NDRG4: variants seen among roughly 807,000 people sequenced by gnomAD.
NDRG4 encodes the protein protein NDRG4.
NDRG4 carries 38 observed loss-of-function variants against 55.8 expected under a neutral mutation model. The observed-to-expected ratio is 0.68, with a 90% CI of 0.53 to 0.89. The LOEUF (loss-of-function observed/expected upper bound fraction) is 0.89, where lower values mean the gene tolerates loss of function less well. Among genes scored for constraint, NDRG4 ranks in the 40% least tolerant of loss-of-function variants. NDRG4 has a pLI of 0.00. For synonymous variants in NDRG4, 190 were observed against 182.7 expected, an observed-to-expected ratio of 1.04 and a Z score of -0.32; for missense variants, 455 against 468.6, an observed-to-expected ratio of 0.97 and a Z score of 0.27.
At chr16:58,476,565 A>G (rs1164976086) in intron 1 of NDRG4, among the ~76,000 whole-genome samples, 6 of 152,116 alleles carry the variant, frequency 3.9e-5, no homozygotes, top group Admixed American at 3.9e-4. Context: ...GATGCATCAT[A>G]CAGTCTCTGT....
At chr16:58,495,937 G>C (rs1483499008), upstream of NDRG4, among the ~76,000 whole-genome samples, 1 of 152,208 alleles carries the variant, frequency 6.6e-6, no homozygotes, top group African/African-American at 2.4e-5. Flanking sequence ...AAGTGGTCGG[G>C]AGCTGGCCCA....
At chr16:58,506,716 C>G in intron 7 of NDRG4, 102 bp downstream of exon 7, 1 of 1,356,078 alleles carries the variant, frequency 7.4e-7, no homozygotes, top group South Asian at 1.3e-5. Flanking sequence ...TGACCTGGCT[C>G]ACTCCAGATG....
intron 2 of NDRG4, among the ~76,000 whole-genome samples, chr16:58,491,455 C>CTTT (rs111544881): frequency 5.4e-5 from 8 of 146,822 alleles, no homozygotes; most frequent in African/African-American, 2.0e-4. Context: ...ATCCTTTTCA[C>CTTT]TTTTTTTTTT....
At chr16:58,486,154 A>C (rs770909985) in intron 1 of NDRG4, among the ~76,000 whole-genome samples, 4 of 152,154 alleles carry the variant, frequency 2.6e-5, no homozygotes, top group African/African-American at 4.8e-5. Context: ...AAAAAAAGAA[A>C]GAGCTATCCA....
chr16:58,480,045 G>C (rs2034208824), intron 1 of NDRG4, among the ~76,000 whole-genome samples: 1 of 152,204 alleles, frequency 6.6e-6, no homozygotes, highest in African/African-American at 2.4e-5. Flanking sequence ...TAGGATTTGA[G>C]AGGAAGGAGG....
chr16:58,491,225 C>T (rs1472336790), intron 2 of NDRG4, among the ~76,000 whole-genome samples: 1 of 150,350 alleles, frequency 6.7e-6, no homozygotes, highest in Non-Finnish European at 1.5e-5. Flanking sequence ...GCAGTGAGCC[C>T]AGATCTCACC....
rs762810826 is a variant in NDRG4 at position 58,504,404 on chromosome 16, C to T, written c.294C>T (p.Ser98=). Residue 98 remains serine, a synonymous_variant, in exon 4 of 15, where the codon AGC becomes AGT. Transcript: ENST00000570248. ...AGCAGCTGGCTGCCATGCTCCCCAG[C>T]GTGGTGCAGCATTTCGGGTGAGTCC... ...SMEQLAAMLP[S]VVQHFGFKYV... is the part of the protein sequence containing the mutation. 29 of 1,612,436 alleles carry T rather than the reference C, an allele frequency of 1.8e-5. 1 individual carries two copies. In the South Asian group the frequency reaches 2.6e-4, roughly 15 times the overall value.
upstream of NDRG4, among the ~76,000 whole-genome samples, chr16:58,497,846 G>C (rs1260392033): frequency 6.6e-6 from 1 of 152,196 alleles, no homozygotes; most frequent in Non-Finnish European, 1.5e-5. Context: ...CTGGGCAGGG[G>C]TGGGGTCAGA....
chr16:58,486,610 C>T (rs1480708002), intron 1 of NDRG4, among the ~76,000 whole-genome samples: 1 of 151,826 alleles, frequency 6.6e-6, no homozygotes, highest in African/African-American at 2.4e-5. Context: ...CTGACCTCTG[C>T]CATCCTGAAG....
upstream of NDRG4, among the ~76,000 whole-genome samples, chr16:58,497,953 G>A (rs1373358882): frequency 1.3e-5 from 2 of 152,008 alleles, no homozygotes; most frequent in African/African-American, 2.4e-5. Context: ...GAGACACAGA[G>A]AGGTTAAAAA....
intron 1 of NDRG4, chr16:58,501,774 CA>C: frequency 2.9e-6 from 1 of 340,794 alleles, no homozygotes; most frequent in Non-Finnish European, 5.9e-6. Flanking sequence ...GGGATGGGGA[CA>C]GGGGCGGCCA....
In NDRG4 at chr16:58,512,023, A is replaced by C; in HGVS notation, c.*447A>C. On this transcript the variant is annotated 3_prime_UTR_variant, in exon 15 of 15. Coordinates refer to ENST00000570248, the MANE Select transcript of NDRG4 (RefSeq NM_001242835.2). ...AGACCCCTTCCCCCACCCTCCACCA[A>C]GCACACCTGTTTCTGTCTCATAGCA... is the stretch of plus-strand genomic sequence containing the variant. The C allele has an allele frequency of 2.2e-6, 1 of 459,208 alleles. No individual in the cohort carries two copies. Among genetic ancestry groups the C allele is most frequent in the Non-Finnish European group, 4.4e-6 (1 of 228,806 alleles). The allele number at this position is 459,208 out of a possible 1,614,324, so 28.4% of individuals were successfully genotyped here.
At chr16:58,492,361 C>A (rs1330029270) in intron 2 of NDRG4, among the ~76,000 whole-genome samples, 2 of 152,110 alleles carry the variant, frequency 1.3e-5, no homozygotes, top group East Asian at 3.9e-4. Context: ...ACTTCAGGGG[C>A]CTCTGCATGG....
chr16:58,477,255 T>C (rs2033796072), intron 1 of NDRG4, among the ~76,000 whole-genome samples: 1 of 152,030 alleles, frequency 6.6e-6, no homozygotes, highest in South Asian at 2.1e-4. Context: ...GACACCCCAG[T>C]AGCAATGAGC....
Position 58,504,588 on chromosome 16 carries a change from G to A in NDRG4, c.312-1G>A. 2 of 1,614,210 alleles carry A rather than the reference G, an allele frequency of 1.2e-6. No homozygotes were observed. The highest frequency in any genetic ancestry group is 1.7e-6 in the Non-Finnish European group (2 of 1,180,018). ...AGAGTGACCAGCCTGCTCTGCACCA[G>A]GTTCAAGTATGTGATTGGCATCGGA... On this transcript the variant is annotated splice_acceptor_variant, in intron 4 of 14. Transcript: ENST00000570248. LOFTEE classifies it high-confidence loss of function.
Position 58,512,245 on chromosome 16 carries a change from T to A in NDRG4, c.*669T>A, listed in dbSNP as rs1261148953. On this transcript the variant is annotated 3_prime_UTR_variant, in exon 15 of 15. Transcript: ENST00000570248. ...ACAGACTGTCCCTTCCAGCCCACAC[T>A]CTGCCACCTCCTGGCCCTGTCCCAA... is the stretch of plus-strand genomic sequence containing the variant. 2 of 382,816 alleles carry A rather than the reference T, an allele frequency of 5.2e-6. No individual in the cohort carries two copies. Among genetic ancestry groups the A allele is most frequent in the Non-Finnish European group, 5.2e-6 (1 of 194,098 alleles). 23.7% of individuals were successfully genotyped at this position (382,816 alleles called of 1,614,324 possible).
intron 1 of NDRG4, among the ~76,000 whole-genome samples, chr16:58,475,870 C>T (rs370350586): frequency 6.6e-6 from 1 of 151,984 alleles, no homozygotes; most frequent in Non-Finnish European, 1.5e-5. Context: ...AATCTTGGCA[C>T]ACTGCAACTT....
At chr16:58,478,237 A>C (rs565339869) in intron 1 of NDRG4, among the ~76,000 whole-genome samples, 1 of 152,156 alleles carries the variant, frequency 6.6e-6, no homozygotes, top group South Asian at 2.1e-4. Flanking sequence ...AAAAATTCAA[A>C]ACTTAGCCAG....
intron 1 of NDRG4, among the ~76,000 whole-genome samples, chr16:58,478,703 T>TTTTG (rs2034034816): frequency 6.6e-6 from 1 of 150,632 alleles, no homozygotes; most frequent in African/African-American, 2.4e-5. Flanking sequence ...TTTTGTTTTT[T>TTTTG]TTTTTTGTAA....
Sources: gnomAD v4.1 joint callset for allele counts (sites outside exome capture counted in the v4.1 genomes callset) on GRCh38, gnomAD v4.1.1 for gene constraint, MANE v1.5 for transcripts, NCBI Gene and HGNC (gene_info 2026-07-23, HGNC 2026-07-21) for gene names.